SLCO2A1: variants seen among roughly 807,000 people sequenced by gnomAD.
SLCO2A1 encodes solute carrier organic anion transporter family member 2A1, also known as matrin F/G 1.
SLCO2A1 carries 60 observed loss-of-function variants against 71.7 expected under a neutral mutation model. The ratio of observed to expected loss-of-function variants is 0.84; its 90% CI spans 0.68 to 1.04. The LOEUF (loss-of-function observed/expected upper bound fraction) is 1.04. SLCO2A1 is among the 50% of genes least tolerant of loss of function. The probability of loss-of-function intolerance (pLI) is 0.00; values close to 1 mark genes in which losing one functional copy is unlikely to be tolerated. For missense variants in SLCO2A1, 745 were observed against 813.4 expected (o/e 0.92, Z 1.02); for synonymous variants, 308 against 326.7 (o/e 0.94, Z 0.62).
chr3:133,978,487 G>A (rs1934511692), intron 2 of SLCO2A1, among the ~76,000 whole-genome samples: 1 of 152,140 alleles, frequency 6.6e-6, no homozygotes. Context: ...GGGGTGAAAG[G>A]GAAAGCCTTA....
chr3:133,984,071 G>A (rs1378061361), intron 1 of SLCO2A1, among the ~76,000 whole-genome samples: 1 of 152,146 alleles, frequency 6.6e-6, no homozygotes, highest in African/African-American at 2.4e-5. Context: ...CTGAGCTTGA[G>A]GCTTAGAAAA....
Position 133,933,086 on chromosome 3 carries a change from T to C in SLCO2A1, c.*1627A>G, listed in dbSNP as rs939134189. 2 of 152,370 alleles carry C rather than the reference T, an allele frequency of 1.3e-5. No individual in the cohort carries two copies. Among genetic ancestry groups the C allele is most frequent in the Non-Finnish European group, 2.9e-5 (2 of 68,060 alleles). 9.4% of individuals were successfully genotyped at this position (152,370 alleles called of 1,614,324 possible). ...TTGGCATATCACCATATGAGGCTTTTCCAGAGGTGGCTTCCAGTATGCTTC... is the reference window on the plus strand; with the variant it reads ...TTGGCATATCACCATATGAGGCTTTCCCAGAGGTGGCTTCCAGTATGCTTC... On this transcript the variant is annotated 3_prime_UTR_variant, in exon 14 of 14. Transcript: ENST00000310926.
intron 1 of SLCO2A1, among the ~76,000 whole-genome samples, chr3:134,021,549 A>T (rs1435922950): frequency 6.6e-6 from 1 of 152,102 alleles, no homozygotes; most frequent in Non-Finnish European, 1.5e-5. Flanking sequence ...AGTGGCTGGC[A>T]GAGGCAAGGA....
At position 134,029,836 on chromosome 3, in the gene SLCO2A1, CG is replaced by C; in HGVS notation, c.-35del. On this transcript the variant is annotated 5_prime_UTR_variant, in exon 1 of 14. Coordinates refer to ENST00000310926, the MANE Select transcript of SLCO2A1 (RefSeq NM_005630.3). ...GCGGCTGGCCGGGCGCGGAGTGGCG[CG>C]GGGTCGGGGCGCCTCGGGCTGGAGC... The C allele has an allele frequency of 7.6e-7, 1 of 1,308,110 alleles. No homozygotes were observed. The highest frequency in any genetic ancestry group is 9.8e-7 in the Non-Finnish European group (1 of 1,019,386). 81.0% of individuals were successfully genotyped at this position (1,308,110 alleles called of 1,614,324 possible). A position where few individuals can be genotyped will look rare whatever the true frequency, so the allele number is the denominator to read the frequency against.
rs953607099 is a variant in SLCO2A1 at position 134,029,629 on chromosome 3, G to A, written c.96+78C>T. On this transcript the variant is annotated intron_variant, in intron 1 of 13. Transcript: ENST00000310926. ...GGGGCTCCCGGAGCCTCCTGGCTCCGGCAGACAGAAGCGGGTGCCCAGCCG... is the reference window on the plus strand; with the variant it reads ...GGGGCTCCCGGAGCCTCCTGGCTCCAGCAGACAGAAGCGGGTGCCCAGCCG... The A allele has an allele frequency of 6.4e-6, 8 of 1,244,680 alleles. No individual in the cohort carries two copies. The African/African-American group carries it at 1.1e-4, about 17-fold the overall frequency. The allele number at this position is 1,244,680 out of a possible 1,614,324, so 77.1% of individuals were successfully genotyped here. A position where few individuals can be genotyped will look rare whatever the true frequency, so the allele number is the denominator to read the frequency against.
chr3:134,004,184 T>G (rs9790150), intron 1 of SLCO2A1, among the ~76,000 whole-genome samples: 100,029 of 151,966 alleles, frequency 0.66, 34,894 homozygotes, highest in East Asian at 0.98. Context: ...GACAAAATAA[T>G]GGCCTCCCCA....
chr3:134,014,074 G>C (rs1436187777), intron 1 of SLCO2A1, among the ~76,000 whole-genome samples: 1 of 152,158 alleles, frequency 6.6e-6, no homozygotes, highest in African/African-American at 2.4e-5. Context: ...GTTGGATGGA[G>C]CAGTTTTTAG....
chr3:133,968,408 G>C (rs1162387961), intron 3 of SLCO2A1, among the ~76,000 whole-genome samples: 1 of 152,106 alleles, frequency 6.6e-6, no homozygotes, highest in Non-Finnish European at 1.5e-5. Context: ...TGAGCTCCCT[G>C]TCCTCACCAG....
chr3:134,002,962 A>G, intron 1 of SLCO2A1, among the ~76,000 whole-genome samples: 1 of 152,132 alleles, frequency 6.6e-6, no homozygotes. Flanking sequence ...CCCCTTGGCC[A>G]TCTGCCCACC....
intron 3 of SLCO2A1, among the ~76,000 whole-genome samples, chr3:133,972,591 C>T (rs1271336291): frequency 6.6e-6 from 1 of 151,950 alleles, no homozygotes; most frequent in Non-Finnish European, 1.5e-5. Context: ...GGTAGACATA[C>T]AGAACAACAA....
rs187889984 is a variant in SLCO2A1, at chr3:134,000,823, G to T, written c.97-21205C>A. 1.1e-3 allele frequency among the ~76,000 whole-genome samples: 175 copies of T among 152,314 alleles called. 1 individual carries two copies. Among genetic ancestry groups the T allele is most frequent in the Non-Finnish European group, 1.9e-3 (127 of 68,024 alleles). On this transcript the variant is annotated intron_variant, in intron 1 of 13. Transcript: ENST00000310926. ...AGACTGTAGGTAAGGTAAATGTCTT[G>T]TCTTATTATGTCTGCTACCTTTTGC...
intron 11 of SLCO2A1, chr3:133,942,386 T>C (rs925779126): frequency 2.4e-5 from 12 of 494,730 alleles, no homozygotes; most frequent in East Asian, 3.5e-5. Flanking sequence ...GGCCCTGCAA[T>C]GAGGAGCTCA....
intron 1 of SLCO2A1, among the ~76,000 whole-genome samples, chr3:134,024,428 T>C: frequency 6.6e-6 from 1 of 152,258 alleles, no homozygotes; most frequent in Non-Finnish European, 1.5e-5. Flanking sequence ...ACTACATCTA[T>C]TACAACCAAC....
chr3:134,015,057 A>G (rs61655060), intron 1 of SLCO2A1, among the ~76,000 whole-genome samples: 7,589 of 152,268 alleles, frequency 0.05, 445 homozygotes, highest in African/African-American at 0.13. Context: ...GAATAGAAGA[A>G]AAACTGAACA....
chr3:133,945,360 G>T, intron 9 of SLCO2A1, 100 bp from the exon 10 acceptor site: 1 of 1,195,390 alleles, frequency 8.4e-7, no homozygotes, highest in Non-Finnish European at 1.2e-6. Flanking sequence ...GAGTGTGTCT[G>T]TGCATCTTTA....
intron 1 of SLCO2A1, among the ~76,000 whole-genome samples, chr3:133,988,278 T>C (rs567737566): frequency 1.3e-5 from 2 of 152,184 alleles, no homozygotes; most frequent in Non-Finnish European, 2.9e-5. Flanking sequence ...CCTCTGCAAA[T>C]AAGAACTTGG....
intron 1 of SLCO2A1, among the ~76,000 whole-genome samples, chr3:134,010,998 C>T (rs975484307): frequency 6.6e-6 from 1 of 152,124 alleles, no homozygotes. Flanking sequence ...AACCCCAGTC[C>T]TTATAAATTT....
Position 133,948,829 on chromosome 3 carries a change from C to T in SLCO2A1, c.940+64G>A, listed in dbSNP as rs917706393. Reference sequence around the variant, plus strand: ...CACACAACACCACAGGGGCTGGGGTCCCCCTGGCCACTATCCCCTCCCCCG... The same window carrying T: ...CACACAACACCACAGGGGCTGGGGTTCCCCTGGCCACTATCCCCTCCCCCG... On this transcript the variant is annotated intron_variant, in intron 7 of 13. Coordinates refer to ENST00000310926, the MANE Select transcript of SLCO2A1 (RefSeq NM_005630.3). The T allele has an allele frequency of 3.1e-5, 49 of 1,587,922 alleles. No individual in the cohort carries two copies. In the African/African-American group the frequency reaches 5.8e-4, roughly 19 times the overall value.
At chr3:134,002,852 C>T (rs1935131847) in intron 1 of SLCO2A1, among the ~76,000 whole-genome samples, 1 of 152,208 alleles carries the variant, frequency 6.6e-6, no homozygotes, top group African/African-American at 2.4e-5. Context: ...GGAAACAAGG[C>T]TAAACCTCTT....
Sources: allele counts gnomAD v4.1 joint callset (sites outside exome capture counted in the v4.1 genomes callset), GRCh38; gene constraint gnomAD v4.1.1; transcripts MANE v1.5; gene names NCBI Gene and HGNC (gene_info 2026-07-23, HGNC 2026-07-21).